The following POU6F2 variants were observed in gnomAD, a reference collection of about 807,000 sequenced individuals.
POU6F2 encodes the protein POU class 6 homeobox 2, also known as POU domain, class 6, transcription factor 2.
POU6F2 carries 31 observed loss-of-function variants against 71.3 expected under a neutral mutation model. The ratio of observed to expected loss-of-function variants is 0.43; its 90% confidence interval spans 0.33 to 0.59. The LOEUF (loss-of-function observed/expected upper bound fraction) is 0.59. Ranked by LOEUF, POU6F2 falls within the 20% of genes least tolerant of loss-of-function variation. The pLI is 0.04. For synonymous variants in POU6F2, 347 were observed against 355.7 expected, an observed-to-expected ratio of 0.98 and a Z score of 0.27; for missense variants, 783 against 856.8, an observed-to-expected ratio of 0.91 and a Z score of 1.07.
chr7:39,042,712 A>G (rs1264739775), intron 1 of POU6F2, among the ~76,000 whole-genome samples: 4 of 151,974 alleles, frequency 2.6e-5, no homozygotes, highest in African/African-American at 9.7e-5. Flanking sequence ...AGAGGGGCTT[A>G]CCTTGCACTG....
intron 1 of POU6F2, among the ~76,000 whole-genome samples, chr7:39,046,921 A>G (rs11973171): frequency 0.28 from 43,191 of 151,798 alleles, 6,804 homozygotes; most frequent in East Asian, 0.73. Context: ...TTTCATATGA[A>G]TATCCACTTG....
intron 4 of POU6F2, among the ~76,000 whole-genome samples, chr7:39,321,103 C>CATAAT (rs1583522574): frequency 6.6e-6 from 1 of 151,794 alleles, no homozygotes; most frequent in East Asian, 1.9e-4. Context: ...ACTATTATAA[C>CATAAT]AATATATTGT....
intron 5 of POU6F2, among the ~76,000 whole-genome samples, chr7:39,362,678 G>A (rs897105095): frequency 6.6e-6 from 1 of 152,084 alleles, no homozygotes. Context: ...ATTAAAAAAA[G>A]GCAAATAAAC....
chr7:39,281,175 A>G (rs35083965), intron 4 of POU6F2, among the ~76,000 whole-genome samples: 2,211 of 152,288 alleles, frequency 0.015, 32 homozygotes, highest in Middle Eastern at 0.051. Flanking sequence ...TTTGATTGAT[A>G]TATAATAACT....
chr7:39,294,165 G>A (rs1784810074), intron 4 of POU6F2, among the ~76,000 whole-genome samples: 1 of 151,450 alleles, frequency 6.6e-6, no homozygotes, highest in African/African-American at 2.4e-5. Context: ...TGGGAGAAAG[G>A]TCCCTTCAGA....
At chr7:39,400,527 C>T (rs959846399) in intron 5 of POU6F2, among the ~76,000 whole-genome samples, 1 of 152,152 alleles carries the variant, frequency 6.6e-6, no homozygotes, top group Admixed American at 6.5e-5. Flanking sequence ...CTTCACCCCA[C>T]GGGCTGTTAA....
At chr7:39,225,191 T>G (rs937482607) in intron 4 of POU6F2, among the ~76,000 whole-genome samples, 1 of 152,160 alleles carries the variant, frequency 6.6e-6, no homozygotes, top group South Asian at 2.1e-4. Flanking sequence ...CTTTTTTTTT[T>G]GAGACAGTGT....
rs563758546 is a variant in POU6F2, at chr7:39,037,235, C to T, written c.106-48625C>T. Reference sequence around the variant, plus strand: ...TCCAAAGCATCCCTGAATGTGCCACCCTGAAAATTAACCTCATTTATCCCT... The same window carrying T: ...TCCAAAGCATCCCTGAATGTGCCACTCTGAAAATTAACCTCATTTATCCCT... On this transcript the variant is annotated intron_variant, in intron 1 of 9. Transcript: ENST00000518318. 3.3e-5 allele frequency among the ~76,000 whole-genome samples: 5 copies of T among 152,056 alleles called. No individual in the cohort carries two copies. In the South Asian group the frequency reaches 1.0e-3, roughly 32 times the overall value.
At chr7:39,215,028 T>A (rs944230285) in intron 4 of POU6F2, among the ~76,000 whole-genome samples, 2 of 152,160 alleles carry the variant, frequency 1.3e-5, no homozygotes, top group African/African-American at 4.8e-5. Context: ...ATCTCAAGAA[T>A]TTGAAGCAGC....
intron 2 of POU6F2, among the ~76,000 whole-genome samples, chr7:39,150,611 C>T (rs988262507): frequency 4.6e-5 from 7 of 151,562 alleles, no homozygotes; most frequent in African/African-American, 7.3e-5. Flanking sequence ...GGATTACAGG[C>T]GCCCACCACC....
intron 1 of POU6F2, among the ~76,000 whole-genome samples, chr7:39,012,657 T>TA (rs1203090292): frequency 1.3e-5 from 2 of 152,216 alleles, no homozygotes; most frequent in African/African-American, 4.8e-5. Context: ...TTTGTGGTTT[T>TA]ATCTACTTTT....
At chr7:39,132,760 G>A (rs1053879030) in intron 2 of POU6F2, 6 of 152,236 alleles carry the variant, frequency 3.9e-5, no homozygotes, top group African/African-American at 9.7e-5. Context: ...GGTGTGGGGC[G>A]AGGAAGGGGA....
At chr7:39,223,483 C>T (rs1302233794) in intron 4 of POU6F2, among the ~76,000 whole-genome samples, 1 of 152,178 alleles carries the variant, frequency 6.6e-6, no homozygotes, top group Non-Finnish European at 1.5e-5. Context: ...AAAGGCTACA[C>T]TGGACAACAA....
chr7:39,121,946 G>A (rs1461758124), intron 2 of POU6F2, among the ~76,000 whole-genome samples: 9 of 152,112 alleles, frequency 5.9e-5, no homozygotes, highest in South Asian at 2.1e-4. Context: ...TGATCCACCC[G>A]CATTAGCCTA....
In POU6F2 at chr7:39,249,872, C is replaced by G. The variant is rs372805584; in HGVS notation, c.598+42252C>G. Among the ~76,000 whole-genome samples, 143 of 152,294 alleles carry G rather than the reference C, an allele frequency of 9.4e-4. 2 individuals carry two copies. The South Asian group carries it at 0.028, about 30-fold the overall frequency. On this transcript the variant is annotated intron_variant, in intron 4 of 9. Coordinates refer to ENST00000518318, the MANE Select transcript of POU6F2 (RefSeq NM_001370959.1). ...CAAACCTGCAGTATTGATTTTTCCA[C>G]TGACTGAAACAGCCATATAAGCATA...
chr7:39,291,311 T>A (rs1784751669), intron 4 of POU6F2, among the ~76,000 whole-genome samples: 1 of 152,260 alleles, frequency 6.6e-6, no homozygotes. Context: ...GATGGCACAT[T>A]AGATGCCAAT....
intron 1 of POU6F2, among the ~76,000 whole-genome samples, chr7:38,998,459 C>T (rs4644141): frequency 0.11 from 16,198 of 152,094 alleles, 943 homozygotes; most frequent in East Asian, 0.14. Context: ...ACAATATGAT[C>T]TCATTTTTAA....
At chr7:39,392,957 C>T (rs1787104687) in intron 5 of POU6F2, among the ~76,000 whole-genome samples, 1 of 152,202 alleles carries the variant, frequency 6.6e-6, no homozygotes, top group Non-Finnish European at 1.5e-5. Flanking sequence ...ATTCCCTGCT[C>T]TCTTCTTCCT....
At chr7:39,090,647 A>T (rs1791344923) in intron 2 of POU6F2, among the ~76,000 whole-genome samples, 1 of 152,148 alleles carries the variant, frequency 6.6e-6, no homozygotes, top group South Asian at 2.1e-4. Context: ...GATGAGGTAA[A>T]TTCCCTAGAG....
Sources: allele counts gnomAD v4.1 joint callset (sites outside exome capture counted in the v4.1 genomes callset), GRCh38; gene constraint gnomAD v4.1.1; transcripts MANE v1.5; gene names NCBI Gene and HGNC (gene_info 2026-07-23, HGNC 2026-07-21).